Variants in HS3ST5 observed in about 807,000 individuals in gnomAD.
HS3ST5 encodes heparan sulfate glucosamine 3-O-sulfotransferase 5.
Under a neutral mutation model 25.4 loss-of-function variants are expected in HS3ST5, and 10 were observed. The observed-to-expected ratio is 0.39, with a 90% CI of 0.24 to 0.67. The LOEUF (loss-of-function observed/expected upper bound fraction) is 0.67, where lower values mean the gene tolerates loss of function less well. Ranked by LOEUF, HS3ST5 falls within the 30% of genes least tolerant of loss-of-function variation. The probability of loss-of-function intolerance (pLI) is 0.44; values close to 1 mark genes in which losing one functional copy is unlikely to be tolerated. For missense variants in HS3ST5, 324 were observed against 420.7 expected (o/e 0.77, Z 2.01); for synonymous variants, 170 against 162.4 (o/e 1.05, Z -0.36).
chr6:114,279,962 A>C (rs1485385362), intron 1 of HS3ST5, among the ~76,000 whole-genome samples: 1 of 152,012 alleles, frequency 6.6e-6, no homozygotes, highest in African/African-American at 2.4e-5. Flanking sequence ...AGAAATGGGC[A>C]GGTAATTCTA....
chr6:114,083,660 T>C (rs1774593364), intron 3 of HS3ST5, among the ~76,000 whole-genome samples: 1 of 152,266 alleles, frequency 6.6e-6, no homozygotes. Context: ...TTTTCTTTAA[T>C]ATGTCTTCGT....
intron 1 of HS3ST5, among the ~76,000 whole-genome samples, chr6:114,328,382 T>A (rs1562277421): frequency 6.6e-6 from 1 of 152,090 alleles, no homozygotes; most frequent in African/African-American, 2.4e-5. Context: ...TTCCTACCCA[T>A]CACACACACA....
At chr6:114,078,381 AT>A (rs939391702) in intron 3 of HS3ST5, among the ~76,000 whole-genome samples, 1 of 151,300 alleles carries the variant, frequency 6.6e-6, no homozygotes, top group Non-Finnish European at 1.5e-5. Context: ...TAATTTTGGT[AT>A]TTTTTTTAGT....
At chr6:114,102,853 A>G (rs918044353) in intron 3 of HS3ST5, among the ~76,000 whole-genome samples, 17 of 152,192 alleles carry the variant, frequency 1.1e-4, no homozygotes, top group African/African-American at 4.1e-4. Flanking sequence ...TTCCTTTGAC[A>G]AAACAGAAGT....
At chr6:114,065,484 A>G (rs1773397915) in intron 3 of HS3ST5, among the ~76,000 whole-genome samples, 1 of 152,168 alleles carries the variant, frequency 6.6e-6, no homozygotes, top group Admixed American at 6.5e-5. Context: ...TAGTAGCTCT[A>G]TGGTTTTGAG....
chr6:114,135,525 G>A (rs996840667), intron 3 of HS3ST5, among the ~76,000 whole-genome samples: 2 of 152,152 alleles, frequency 1.3e-5, no homozygotes, highest in Admixed American at 6.5e-5. Flanking sequence ...AGACAGGCGG[G>A]TGCCAGCACA....
intron 3 of HS3ST5, among the ~76,000 whole-genome samples, chr6:114,097,318 T>C (rs897542072): frequency 6.6e-6 from 1 of 151,940 alleles, no homozygotes; most frequent in African/African-American, 2.4e-5. Context: ...GATATACTTA[T>C]GAAAAAAGGT....
At chr6:114,194,240 C>G (rs549024319) in intron 2 of HS3ST5, among the ~76,000 whole-genome samples, 1 of 152,200 alleles carries the variant, frequency 6.6e-6, no homozygotes, top group African/African-American at 2.4e-5. Context: ...AAATTAATTT[C>G]CTAAAAGCTA....
chr6:114,065,466 A>C (rs1390754690), intron 3 of HS3ST5, among the ~76,000 whole-genome samples: 1 of 151,720 alleles, frequency 6.6e-6, no homozygotes, highest in Non-Finnish European at 1.5e-5. Context: ...CCAATTAAAT[A>C]CTCCCCTTAG....
At chr6:114,241,238 T>C (rs1772111747) in intron 1 of HS3ST5, among the ~76,000 whole-genome samples, 3 of 150,648 alleles carry the variant, frequency 2.0e-5, no homozygotes, top group South Asian at 2.1e-4. Flanking sequence ...TTTAGTAAAA[T>C]TACCCTCTTT....
intron 4 of HS3ST5, 100 bp from the exon 5 acceptor site, chr6:114,058,290 C>T (rs1772895316): frequency 1.2e-6 from 1 of 854,572 alleles, no homozygotes; most frequent in African/African-American, 1.7e-5. Flanking sequence ...AATAAAGCCA[C>T]TGGTTCCCAG....
chr6:114,259,620 G>A (rs1773079179), intron 1 of HS3ST5, among the ~76,000 whole-genome samples: 1 of 152,222 alleles, frequency 6.6e-6, no homozygotes. Flanking sequence ...TAACACTTTG[G>A]TGGTTATGCT....
intron 1 of HS3ST5, among the ~76,000 whole-genome samples, chr6:114,294,485 G>A (rs561397137): frequency 1.2e-4 from 16 of 131,614 alleles, no homozygotes; most frequent in Middle Eastern, 5.0e-3. Context: ...TCACTCTGTC[G>A]CCCAGGCTGG....
At chr6:114,227,691 T>G (rs9488344) in intron 2 of HS3ST5, among the ~76,000 whole-genome samples, 147,434 of 152,122 alleles carry the variant, frequency 0.97, 71,621 homozygotes, top group East Asian at 1. Flanking sequence ...AAAATCTAAG[T>G]CTGAGCTTTC....
chr6:114,283,341 C>T, intron 1 of HS3ST5, among the ~76,000 whole-genome samples: 1 of 151,870 alleles, frequency 6.6e-6, no homozygotes, highest in Non-Finnish European at 1.5e-5. Flanking sequence ...GTAATCATAA[C>T]TTCTAAGCTT....
At chr6:114,208,885 C>G (rs1364096969) in intron 2 of HS3ST5, among the ~76,000 whole-genome samples, 1 of 152,034 alleles carries the variant, frequency 6.6e-6, no homozygotes, top group African/African-American at 2.4e-5. Flanking sequence ...TAGGGTTTGT[C>G]TTGGGTTATG....
intron 2 of HS3ST5, among the ~76,000 whole-genome samples, chr6:114,177,182 T>G (rs1161739723): frequency 1.3e-5 from 2 of 152,204 alleles, no homozygotes; most frequent in African/African-American, 4.8e-5. Context: ...ATCTTGCATT[T>G]TTTTTATCCA....
intron 3 of HS3ST5, among the ~76,000 whole-genome samples, chr6:114,114,556 G>A (rs1291837163): frequency 6.6e-6 from 1 of 152,052 alleles, no homozygotes; most frequent in South Asian, 2.1e-4. Flanking sequence ...TGGCAATATA[G>A]AGTCACACAT....
rs535761261 is a variant in HS3ST5, at chr6:114,136,853, C to T, written c.-33+31498G>A. 5.3e-5 allele frequency among the ~76,000 whole-genome samples: 8 copies of T among 152,258 alleles called. No homozygotes were observed. The South Asian group carries it at 1.7e-3, about 32-fold the overall frequency. On this transcript the variant is annotated intron_variant, in intron 3 of 4. Coordinates refer to ENST00000312719, the MANE Select transcript of HS3ST5 (RefSeq NM_153612.4). ...GCATTGGGACATTTTTCACTGGGCT[C>T]TACATTTTTCTGACCTCCTTTTGGC...
Sources: allele counts gnomAD v4.1 joint callset (sites outside exome capture counted in the v4.1 genomes callset), GRCh38; gene constraint gnomAD v4.1.1; transcripts MANE v1.5; gene names NCBI Gene and HGNC (gene_info 2026-07-23, HGNC 2026-07-21).